The following PRDM5 variants were observed in gnomAD, a reference collection of about 807,000 sequenced individuals.
The protein encoded by PRDM5 is PR/SET domain 5.
In PRDM5, 56 loss-of-function variants were observed where a neutral mutation model predicts 81.2. The ratio of observed to expected loss-of-function variants is 0.69; its 90% confidence interval spans 0.56 to 0.86. The LOEUF is 0.86. PRDM5 is among the 40% of genes least tolerant of loss of function. The probability of loss-of-function intolerance (pLI) is 0.00; values close to 1 mark genes in which losing one functional copy is unlikely to be tolerated. For missense variants in PRDM5, 697 were observed against 770.1 expected (o/e 0.91, Z 1.12); for synonymous variants, 267 against 256.4 (o/e 1.04, Z -0.39).
In PRDM5 at chr4:120,788,162, C is replaced by T. The variant is rs1750039137; in HGVS notation, c.1189-3071G>A. ...TACAACTGACAAATTTTTGCAAAAA[C>T]TACTTTTTTTTAAATAAAAGGAAAA... On this transcript the variant is annotated intron_variant, in intron 10 of 15. Coordinates refer to ENST00000264808, the MANE Select transcript of PRDM5 (RefSeq NM_018699.4). Among the ~76,000 whole-genome samples the T allele has an allele frequency of 2.0e-5, 3 of 152,060 alleles. No homozygotes were observed. The South Asian group carries it at 6.2e-4, about 32-fold the overall frequency.
rs140995785 is a variant in PRDM5 at position 120,694,158 on chromosome 4, T to C, written c.*953A>G. On this transcript the variant is annotated 3_prime_UTR_variant, in exon 16 of 16. Coordinates refer to ENST00000264808, the MANE Select transcript of PRDM5 (RefSeq NM_018699.4). ...TCTGAGGACTGTATCTGCACTAACA[T>C]GTTCTGTGCACTTTTATGGAAGGAG... is the stretch of plus-strand genomic sequence containing the variant. 164 of 152,278 alleles carry C rather than the reference T, an allele frequency of 1.1e-3. No individual in the cohort carries two copies. Among genetic ancestry groups the C allele is most frequent in the African/African-American group, 3.9e-3 (162 of 41,568 alleles). The allele number at this position is 152,278 out of a possible 1,614,324, so 9.4% of individuals were successfully genotyped here.
intron 3 of PRDM5, among the ~76,000 whole-genome samples, chr4:120,848,949 C>T (rs1297927489): frequency 6.6e-6 from 1 of 152,008 alleles, no homozygotes; most frequent in Admixed American, 6.6e-5. Flanking sequence ...AAGAAAATCA[C>T]TAGACAGCTG....
At position 120,922,375 on chromosome 4, in the gene PRDM5, T is replaced by A. The variant is rs532106810; in HGVS notation, c.93+141A>T. 166 of 1,102,634 alleles carry A rather than the reference T, an allele frequency of 1.5e-4. 2 individuals are homozygous for A. The East Asian group carries it at 6.0e-3, about 40-fold the overall frequency. The allele number at this position is 1,102,634 out of a possible 1,614,324, so 68.3% of individuals were successfully genotyped here. ...CGCCGTGCCCCGCGGTCCCCGGCCTTCCCACGGACGCCTGGCCCGGCCCGG... is the reference window on the plus strand; with the variant it reads ...CGCCGTGCCCCGCGGTCCCCGGCCTACCCACGGACGCCTGGCCCGGCCCGG... On this transcript the variant is annotated intron_variant, in intron 1 of 15. Transcript: ENST00000264808.
chr4:120,912,649 T>C (rs1029458195), intron 1 of PRDM5, among the ~76,000 whole-genome samples: 29 of 152,338 alleles, frequency 1.9e-4, no homozygotes, highest in African/African-American at 6.7e-4. Context: ...TAGAAGACAT[T>C]AGGAAATTAC....
chr4:120,734,704 A>G (rs931895068), intron 14 of PRDM5, among the ~76,000 whole-genome samples: 5 of 152,046 alleles, frequency 3.3e-5, no homozygotes, highest in African/African-American at 1.2e-4. Flanking sequence ...CTTTTGGACA[A>G]TATTCTGGGG....
chr4:120,845,101 G>C (rs1432578408), intron 3 of PRDM5, among the ~76,000 whole-genome samples: 2 of 152,198 alleles, frequency 1.3e-5, no homozygotes. Context: ...AGAATTATGA[G>C]GTCTAAGGAA....
chr4:120,695,611 T>A (rs1734434890), intron 15 of PRDM5, among the ~76,000 whole-genome samples: 1 of 152,184 alleles, frequency 6.6e-6, no homozygotes, highest in South Asian at 2.1e-4. Context: ...TTCAGTTTAG[T>A]ACCACTTGTG....
intron 13 of PRDM5, among the ~76,000 whole-genome samples, chr4:120,757,182 A>C (rs1243468378): frequency 6.6e-6 from 1 of 152,206 alleles, no homozygotes; most frequent in African/African-American, 2.4e-5. Flanking sequence ...TCCATTTCCA[A>C]TTTTACCTAC....
In PRDM5 at chr4:120,810,616, A is replaced by G. The variant is rs150550081; in HGVS notation, c.945+754T>C. The G allele has an allele frequency of 7.9e-5, 12 of 152,288 alleles. No individual in the cohort carries two copies. In the East Asian group the frequency reaches 2.3e-3, roughly 29 times the overall value. 9.4% of individuals were successfully genotyped at this position (152,288 alleles called of 1,614,324 possible). On this transcript the variant is annotated intron_variant, in intron 8 of 15. Transcript: ENST00000264808. ...ACTTGAAAACTGAAAACCAAAAAAAAAAAGTAGTTTCATGGTACATAGAGA... is the reference window on the plus strand; with the variant it reads ...ACTTGAAAACTGAAAACCAAAAAAAGAAAGTAGTTTCATGGTACATAGAGA...
intron 3 of PRDM5, among the ~76,000 whole-genome samples, chr4:120,824,736 G>C (rs17350290): frequency 0.095 from 14,355 of 151,792 alleles, 904 homozygotes; most frequent in South Asian, 0.2. Context: ...ATAGCCTACT[G>C]GCCCAACAAT....
rs70948365 is a variant in PRDM5, at chr4:120,872,150, C to CAAAAAAAAAAAAAAAAAAAAAAAAA, written c.178-18611_178-18610insTTTTTTTTTTTTTTTTTTTTTTTTT. ...TGGGCGACAGAGCAAGACTCCATCT[C>CAAAAAAAAAAAAAAAAAAAAAAAAA]AAAAAAAAAAAAAAAAAAAAAAAAC... On this transcript the variant is annotated intron_variant, in intron 2 of 15. Transcript: ENST00000264808. 8.8e-4 allele frequency among the ~76,000 whole-genome samples: 37 copies of CAAAAAAAAAAAAAAAAAAAAAAAAA among 41,836 alleles called. 1 individual carries two copies. Among genetic ancestry groups the CAAAAAAAAAAAAAAAAAAAAAAAAA allele is most frequent in the South Asian group, 1.3e-3 (1 of 768 alleles). 27.4% of individuals were successfully genotyped at this position (41,836 alleles called of 152,430 possible). A position where few individuals can be genotyped will look rare whatever the true frequency, so the allele number is the denominator to read the frequency against.
At chr4:120,749,627 G>A (rs1439875395) in intron 14 of PRDM5, among the ~76,000 whole-genome samples, 1 of 152,198 alleles carries the variant, frequency 6.6e-6, no homozygotes, top group East Asian at 1.9e-4. Flanking sequence ...CTCTGAGTGA[G>A]GAGGGAGACA....
chr4:120,750,903 GT>G (rs1743908538), intron 14 of PRDM5, among the ~76,000 whole-genome samples: 1 of 152,136 alleles, frequency 6.6e-6, no homozygotes, highest in African/African-American at 2.4e-5. Context: ...AAAGAATCTA[GT>G]GAAAAAGGTG....
intron 3 of PRDM5, among the ~76,000 whole-genome samples, chr4:120,833,653 A>G (rs1473320846): frequency 6.6e-6 from 1 of 152,196 alleles, no homozygotes; most frequent in Non-Finnish European, 1.5e-5. Context: ...GCCACGGTCC[A>G]TGATAAGTGC....
intron 14 of PRDM5, among the ~76,000 whole-genome samples, chr4:120,732,026 G>A (rs1463573108): frequency 6.6e-6 from 1 of 152,124 alleles, no homozygotes; most frequent in Admixed American, 6.5e-5. Flanking sequence ...GATAGTTAAG[G>A]AACTGTGTGT....
At chr4:120,853,596 A>G (rs1416588304) in intron 2 of PRDM5, 56 bp from the exon 3 acceptor site, 4 of 1,609,528 alleles carry the variant, frequency 2.5e-6, no homozygotes, top group Non-Finnish European at 3.4e-6. Flanking sequence ...TAGCCTTTAA[A>G]CACATCAAGG....
In PRDM5 at chr4:120,754,492, T is replaced by C. The variant is rs1001096002; in HGVS notation, c.1623+61A>G. The C allele has an allele frequency of 5.9e-6, 7 of 1,183,334 alleles. No homozygotes were observed. In the Admixed American group the frequency reaches 9.0e-5, roughly 15 times the overall value. The allele number at this position is 1,183,334 out of a possible 1,614,324, so 73.3% of individuals were successfully genotyped here. A position where few individuals can be genotyped will look rare whatever the true frequency, so the allele number is the denominator to read the frequency against. Reference sequence around the variant, plus strand: ...ATTTTGTAATATAAAGTTAAATATATTTCTTTTAAAATAAGTATGGTTTTC... The same window carrying C: ...ATTTTGTAATATAAAGTTAAATATACTTCTTTTAAAATAAGTATGGTTTTC... On this transcript the variant is annotated intron_variant, in intron 14 of 15. Transcript: ENST00000264808.
intron 14 of PRDM5, among the ~76,000 whole-genome samples, chr4:120,722,264 G>A (rs1027975383): frequency 7.2e-5 from 11 of 152,144 alleles, no homozygotes; most frequent in East Asian, 3.9e-4. Flanking sequence ...GACCCTGGGC[G>A]TGACATTTAG....
intron 13 of PRDM5, among the ~76,000 whole-genome samples, chr4:120,775,348 T>A (rs1482852109): frequency 6.6e-6 from 1 of 152,166 alleles, no homozygotes; most frequent in Non-Finnish European, 1.5e-5. Flanking sequence ...ATAATACTAA[T>A]TAAAATTTTA....
Sources: gnomAD v4.1 joint callset for allele counts (sites outside exome capture counted in the v4.1 genomes callset) on GRCh38, gnomAD v4.1.1 for gene constraint, MANE v1.5 for transcripts, NCBI Gene and HGNC (gene_info 2026-07-23, HGNC 2026-07-21) for gene names.